The following TBCD variants were observed in gnomAD, a reference collection of about 807,000 sequenced individuals.
The protein encoded by TBCD is tubulin folding cofactor D, also known as tubulin-specific chaperone D.
A neutral mutation model predicts 169.3 loss-of-function variants in TBCD; 105 were observed. That is an observed-to-expected ratio of 0.62 (90% CI 0.53 to 0.73). The LOEUF is 0.73. TBCD is among the 30% of genes least tolerant of loss of function. TBCD has a pLI of 0.00. For synonymous variants in TBCD, 700 were observed against 643.9 expected (o/e 1.09, Z -1.32); for missense variants, 1,444 against 1,600.1 (o/e 0.90, Z 1.66).
intron 17 of TBCD, among the ~76,000 whole-genome samples, chr17:82,896,303 C>G (rs908383189): frequency 6.6e-6 from 1 of 152,186 alleles, no homozygotes; most frequent in African/African-American, 2.4e-5. Context: ...TGGCGTCTGT[C>G]TCCACTCACC....
chr17:82,873,998 C>T (rs1599112576), intron 14 of TBCD, among the ~76,000 whole-genome samples: 3 of 152,214 alleles, frequency 2.0e-5, no homozygotes, highest in East Asian at 3.9e-4. Flanking sequence ...CTCCTGTTGG[C>T]CCCGTGAGGG....
At position 82,915,167 on chromosome 17, in the gene TBCD, C is replaced by G. The variant is rs532951321; in HGVS notation, c.2038+3378C>G. On this transcript the variant is annotated intron_variant, in intron 23 of 38. Coordinates refer to ENST00000355528, the MANE Select transcript of TBCD (RefSeq NM_005993.5). This position sits in a 1 kb window ranked among gnomAD's most constrained non-coding sequence, Gnocchi z 4.3. Reference sequence around the variant, plus strand: ...GAGGGGCTGCTGGTCACTTTCTCACCCAGGCCAGAGGATGGCGCCCTTACC... The same window carrying G: ...GAGGGGCTGCTGGTCACTTTCTCACGCAGGCCAGAGGATGGCGCCCTTACC... Among the ~76,000 whole-genome samples, 3 of 152,068 alleles carry G rather than the reference C, an allele frequency of 2.0e-5. No homozygotes were observed. Among genetic ancestry groups the G allele is most frequent in the African/African-American group, 7.2e-5 (3 of 41,388 alleles).
chr17:82,782,395 C>T lies in TBCD; in HGVS notation c.771+674C>T, dbSNP rs543161855. 6.6e-6 allele frequency among the ~76,000 whole-genome samples: 1 copy of T among 152,332 alleles called. No homozygotes were observed. Among genetic ancestry groups the T allele is most frequent in the African/African-American group, 2.4e-5 (1 of 41,582 alleles). Reference sequence around the variant, plus strand: ...GTGGCCTTTGGCGTGGTGGGTTCAGCGCCTTCTTCTCTCTTTAATTACAGC... The same window carrying T: ...GTGGCCTTTGGCGTGGTGGGTTCAGTGCCTTCTTCTCTCTTTAATTACAGC... On this transcript the variant is annotated intron_variant, in intron 7 of 38. Coordinates refer to ENST00000355528, the MANE Select transcript of TBCD (RefSeq NM_005993.5). This position sits in a 1 kb window ranked among gnomAD's most constrained non-coding sequence, Gnocchi z 5.1.
At chr17:82,848,161 C>T (rs1166316870) in intron 13 of TBCD, among the ~76,000 whole-genome samples, 1 of 152,186 alleles carries the variant, frequency 6.6e-6, no homozygotes, top group Non-Finnish European at 1.5e-5. Context: ...ACTGGGCGCA[C>T]AGTCCCCGGC....
At chr17:82,761,035 C>G (rs1344588483) in intron 2 of TBCD, among the ~76,000 whole-genome samples, 1 of 151,938 alleles carries the variant, frequency 6.6e-6, no homozygotes, top group Admixed American at 6.6e-5. Context: ...TCTTGGCTCA[C>G]TGCAACCTCC....
rs551519689 is a variant in TBCD at position 82,922,132 on chromosome 17, G to C, written c.2178+555G>C. ...GAAACCATGGGCCCGGCGCAGTGGC[G>C]GGTGGATCACTTGAGGTCAGGAGTT... On this transcript the variant is annotated intron_variant, in intron 25 of 38. Transcript: ENST00000355528. This position sits in a 1 kb window ranked among gnomAD's most constrained non-coding sequence, Gnocchi z 4.1. 6.6e-6 allele frequency among the ~76,000 whole-genome samples: 1 copy of C among 152,204 alleles called. No homozygotes were observed. The highest frequency in any genetic ancestry group is 1.5e-5 in the Non-Finnish European group (1 of 68,042).
chr17:82,939,780 C>G (rs1009887707), intron 37 of TBCD, among the ~76,000 whole-genome samples: 1 of 152,232 alleles, frequency 6.6e-6, no homozygotes, highest in African/African-American at 2.4e-5. Flanking sequence ...GCAGAGGGCA[C>G]TGAAGGCCTG....
At chr17:82,811,195 G>T (rs1170408240) in intron 12 of TBCD, among the ~76,000 whole-genome samples, 1 of 152,194 alleles carries the variant, frequency 6.6e-6, no homozygotes, top group Non-Finnish European at 1.5e-5. Context: ...GGTGCCACCT[G>T]CGGCCTTCAC....
At chr17:82,775,095 G>C (rs2048506349) in intron 6 of TBCD, among the ~76,000 whole-genome samples, 1 of 152,236 alleles carries the variant, frequency 6.6e-6, no homozygotes, top group African/African-American at 2.4e-5. Flanking sequence ...GGTCCTCCGG[G>C]AAAAGAGCGC....
chr17:82,930,993 G>A lies in TBCD; in HGVS notation c.3113+350G>A, dbSNP rs988294345. On this transcript the variant is annotated intron_variant, in intron 33 of 38. Transcript: ENST00000355528. The surrounding 1 kb of genome is among the most constrained non-coding windows in gnomAD (Gnocchi z 5.2). ...TTGGTGCTCCCACGGACGTGCTTGC[G>A]GACGCTCATCAGCCACCCGGCAAGT... Among the ~76,000 whole-genome samples, 2 of 152,212 alleles carry A rather than the reference G, an allele frequency of 1.3e-5. No individual in the cohort carries two copies. Among genetic ancestry groups the A allele is most frequent in the African/African-American group, 2.4e-5 (1 of 41,460 alleles).
In TBCD at chr17:82,801,038, G is replaced by A. The variant is rs201581992; in HGVS notation, c.950+42G>A. The A allele has an allele frequency of 6.2e-5, 97 of 1,570,518 alleles. No individual in the cohort carries two copies. The African/African-American group carries it at 7.0e-4, about 11-fold the overall frequency. On this transcript the variant is annotated intron_variant, in intron 9 of 38. Coordinates refer to ENST00000355528, the MANE Select transcript of TBCD (RefSeq NM_005993.5). ...CGGTGCCTGGGGAGGGCCACGGGGT[G>A]GGGAGGGGTTGCTGTGGGGGGCAGG...
chr17:82,765,578 G>A (rs1357512729), intron 3 of TBCD, among the ~76,000 whole-genome samples: 1 of 152,188 alleles, frequency 6.6e-6, no homozygotes, highest in Non-Finnish European at 1.5e-5. Context: ...CTTGGCCAGC[G>A]AGAGGACACT....
intron 14 of TBCD, among the ~76,000 whole-genome samples, chr17:82,877,978 A>G (rs2058085156): frequency 6.6e-6 from 1 of 152,206 alleles, no homozygotes; most frequent in African/African-American, 2.4e-5. Flanking sequence ...GTCTTTTAAG[A>G]TCTTTAGATA....
intron 13 of TBCD, among the ~76,000 whole-genome samples, chr17:82,869,631 T>A (rs895937111): frequency 2.0e-5 from 3 of 152,262 alleles, no homozygotes; most frequent in Non-Finnish European, 4.4e-5. Flanking sequence ...TTTCTCTGCG[T>A]GGCTGTTTTG....
At chr17:82,828,961 G>C (rs1260613585) in intron 13 of TBCD, among the ~76,000 whole-genome samples, 3 of 132,568 alleles carry the variant, frequency 2.3e-5, no homozygotes, top group Non-Finnish European at 3.2e-5. Context: ...ATATGCACAC[G>C]TGCATACCCA....
At chr17:82,887,131 CTGTGTGTGTGTG>C (rs771003321) in intron 15 of TBCD, among the ~76,000 whole-genome samples, 22 of 123,450 alleles carry the variant, frequency 1.8e-4, no homozygotes, top group East Asian at 7.0e-4. Flanking sequence ...TACCTGTACT[CTGTGTGTGTGTG>C]TGTGTGTGTG....
At chr17:82,819,945 G>A (rs1364088555) in intron 13 of TBCD, among the ~76,000 whole-genome samples, 1 of 151,938 alleles carries the variant, frequency 6.6e-6, no homozygotes, top group Admixed American at 6.6e-5. Context: ...AAGAAGCACA[G>A]GTGGGGGGAT....
At chr17:82,921,218 T>G (rs2061402676) in intron 24 of TBCD, 1 of 512,070 alleles carries the variant, frequency 2.0e-6, no homozygotes, top group Non-Finnish European at 3.5e-6. Context: ...GGAAAAGATT[T>G]AGGGGTAACA....
Position 82,929,279 on chromosome 17 carries a change from C to T in TBCD, c.2852+8C>T, listed in dbSNP as rs371946848. ...GGAAAAGCTGTTTCCCAGGTACTGTCGGGGTGTAGGCCCCCCGTGCTGGCC... is the reference window on the plus strand; with the variant it reads ...GGAAAAGCTGTTTCCCAGGTACTGTTGGGGTGTAGGCCCCCCGTGCTGGCC... On this transcript the variant is annotated splice_region_variant and intron_variant, in intron 31 of 38. Coordinates refer to ENST00000355528, the MANE Select transcript of TBCD (RefSeq NM_005993.5). 106 of 1,613,046 alleles carry T rather than the reference C, an allele frequency of 6.6e-5. No homozygotes were observed. The highest frequency in any genetic ancestry group is 1.0e-4 in the Admixed American group (6 of 59,974).
Sources: allele counts gnomAD v4.1 joint callset (sites outside exome capture counted in the v4.1 genomes callset), GRCh38; gene constraint gnomAD v4.1.1; non-coding constraint Gnocchi (gnomAD v3.1); transcripts MANE v1.5; gene names NCBI Gene and HGNC (gene_info 2026-07-23, HGNC 2026-07-21).